ZNF454: variants seen among roughly 807,000 people sequenced by gnomAD.
ZNF454 encodes zinc finger protein 454.
In ZNF454, 30 loss-of-function variants were observed where a neutral mutation model predicts 48.2. That is an observed-to-expected ratio of 0.62 (90% CI 0.47 to 0.84). ZNF454 has a LOEUF of 0.84. ZNF454 is among the 40% of genes least tolerant of loss of function. The pLI, the probability that ZNF454 is intolerant of heterozygous loss-of-function variation, is 0.00. For missense variants in ZNF454, 510 were observed against 623.1 expected (o/e 0.82, Z 1.93); for synonymous variants, 204 against 211.4 (o/e 0.97, Z 0.30).
the ZNF454 span, chr5:178,983,045 C>T: frequency 1.2e-6 from 2 of 1,614,054 alleles, no homozygotes; most frequent in Admixed American, 1.7e-5. Flanking sequence ...TGATGGCGTA[C>T]ACTGTGCACG....
chr5:178,988,643 GA>G, the ZNF454 span, among the ~76,000 whole-genome samples: 1 of 152,224 alleles, frequency 6.6e-6, no homozygotes, highest in African/African-American at 2.4e-5. This position sits in a 1 kb window ranked among gnomAD's most constrained non-coding sequence, Gnocchi z 6.0. Context: ...CTGCGCAGTG[GA>G]GGGGAGTGTG....
At chr5:178,955,531 CTT>C (rs1186036096) in intron 4 of ZNF454, among the ~76,000 whole-genome samples, 1 of 152,196 alleles carries the variant, frequency 6.6e-6, no homozygotes, top group East Asian at 1.9e-4. Context: ...ATAAGCATAA[CTT>C]AGTCTCAACT....
chr5:178,986,571 GT>G, the ZNF454 span: 1 of 1,607,538 alleles, frequency 6.2e-7, no homozygotes. Context: ...TGGGCCTCAT[GT>G]CCCCAGGACA....
chr5:178,985,657 A>C, the ZNF454 span: 1,556 of 390,422 alleles, frequency 4.0e-3, 16 homozygotes, highest in South Asian at 8.7e-3. Context: ...GAGCTGAGAT[A>C]GTGCCACTGC....
chr5:178,986,337 G>A, the ZNF454 span: 3 of 1,614,140 alleles, frequency 1.9e-6, no homozygotes, highest in Non-Finnish European at 1.7e-6. Flanking sequence ...CCACCATGAG[G>A]AAGGTGATGG....
In ZNF454 at chr5:178,941,774, A is replaced by G. The variant is rs1759099254; in HGVS notation, c.-108+330A>G. On this transcript the variant is annotated intron_variant, in intron 1 of 4. Coordinates refer to ENST00000519564, the MANE Select transcript of ZNF454 (RefSeq NM_001178089.3). The surrounding 1 kb of genome is among the most constrained non-coding windows in gnomAD (Gnocchi z 5.5). ...AACCCTTCCCTCTCCCCTCCCGCCC[A>G]GCTCACACAAACGCCGCTTCTGCCC... Among the ~76,000 whole-genome samples, 2 of 151,882 alleles carry G rather than the reference A, an allele frequency of 1.3e-5. No homozygotes were observed. Among genetic ancestry groups the G allele is most frequent in the African/African-American group, 4.8e-5 (2 of 41,378 alleles).
chr5:178,955,824 A>G (rs1032406992), intron 4 of ZNF454, among the ~76,000 whole-genome samples: 1 of 152,160 alleles, frequency 6.6e-6, no homozygotes, highest in Non-Finnish European at 1.5e-5. Flanking sequence ...ACAGTTTTAA[A>G]CTGCAAATTC....
chr5:178,985,671 C>A, the ZNF454 span: 6 of 401,382 alleles, frequency 1.5e-5, no homozygotes, highest in African/African-American at 2.2e-5. Context: ...CCACTGCACT[C>A]CAGCCTGGGC....
chr5:178,957,924 A>C (rs1759843572), intron 4 of ZNF454, among the ~76,000 whole-genome samples: 1 of 152,220 alleles, frequency 6.6e-6, no homozygotes, highest in African/African-American at 2.4e-5. Context: ...AATTACCCTC[A>C]AAAAATATTT....
chr5:178,960,471 C>G (rs571460754), intron 4 of ZNF454, among the ~76,000 whole-genome samples: 2 of 151,382 alleles, frequency 1.3e-5, no homozygotes, highest in African/African-American at 4.8e-5. Flanking sequence ...TCAGGCTGGT[C>G]GCAAACTCCG....
At chr5:178,981,934 C>T in the ZNF454 span, 1 of 913,896 alleles carries the variant, frequency 1.1e-6, no homozygotes, top group South Asian at 1.3e-5. The surrounding 1 kb of genome is among the most constrained non-coding windows in gnomAD (Gnocchi z 5.1). Context: ...ACCACATACT[C>T]TGGAGCTGAG....
At position 178,964,878 on chromosome 5, in the gene ZNF454, T is replaced by C; in HGVS notation, c.474T>C (p.Thr158=). Residue 158 remains threonine, a synonymous_variant, in exon 5 of 5, where the codon ACT becomes ACC. Transcript: ENST00000519564. ...PSQECDESGS[T]MSSSLHSDQS... is the part of the protein sequence containing the mutation. ...AGGAATGTGATGAATCCGGGAGCAC[T>C]ATGAGCTCATCTCTTCACAGTGATC... The C allele has an allele frequency of 1.2e-6, 2 of 1,614,206 alleles. No homozygotes were observed. The highest frequency in any genetic ancestry group is 1.7e-6 in the Non-Finnish European group (2 of 1,180,036).
the ZNF454 span, chr5:178,982,893 C>T: frequency 6.3e-7 from 1 of 1,596,440 alleles, no homozygotes; most frequent in South Asian, 1.1e-5. Context: ...AGCGAGACCT[C>T]CTGGGGACCT....
At chr5:178,969,826 A>G (rs1283763152), downstream of ZNF454, 2 of 346,360 alleles carry the variant, frequency 5.8e-6, no homozygotes, top group Non-Finnish European at 1.1e-5. Flanking sequence ...CTTCATTTCT[A>G]TGGGCTTCTG....
chr5:178,956,563 G>C (rs1023799438), intron 4 of ZNF454, among the ~76,000 whole-genome samples: 4 of 148,682 alleles, frequency 2.7e-5, no homozygotes, highest in Non-Finnish European at 5.9e-5. Context: ...GCCACATTGA[G>C]AAAGGGCAAA....
At chr5:178,988,375 G>T in the ZNF454 span, among the ~76,000 whole-genome samples, 1 of 152,310 alleles carries the variant, frequency 6.6e-6, no homozygotes, top group South Asian at 2.1e-4. The surrounding 1 kb of genome is among the most constrained non-coding windows in gnomAD (Gnocchi z 6.0). Context: ...GCGGAGTTTT[G>T]AATTGTGTAA....
the ZNF454 span, among the ~76,000 whole-genome samples, chr5:178,982,145 T>A: frequency 6.6e-6 from 1 of 152,076 alleles, no homozygotes; most frequent in Non-Finnish European, 1.5e-5. Flanking sequence ...TTCAAATACA[T>A]ACAAATGAAT....
intron 4 of ZNF454, among the ~76,000 whole-genome samples, chr5:178,947,334 C>A (rs1209696479): frequency 6.6e-6 from 1 of 152,234 alleles, no homozygotes; most frequent in East Asian, 1.9e-4. Context: ...GCCTGCCCTT[C>A]TCTCATGAGG....
chr5:178,950,861 C>CT (rs560753478), intron 4 of ZNF454, among the ~76,000 whole-genome samples: 10,313 of 141,186 alleles, frequency 0.073, 468 homozygotes, highest in Non-Finnish European at 0.1. Context: ...CCATTTCTTT[C>CT]TTTTTTTTTT....
Sources: gnomAD v4.1 joint callset for allele counts (sites outside exome capture counted in the v4.1 genomes callset) on GRCh38, gnomAD v4.1.1 for gene constraint, Gnocchi (gnomAD v3.1) non-coding constraint, MANE v1.5 for transcripts, NCBI Gene and HGNC (gene_info 2026-07-23, HGNC 2026-07-21) for gene names.